Variants in KCNN2 observed in about 807,000 individuals in gnomAD.
The protein encoded by KCNN2 is small conductance calcium-activated potassium channel protein 2.
Under a neutral mutation model 55.5 loss-of-function variants are expected in KCNN2, and 24 were observed. That is an observed-to-expected ratio of 0.43 (90% CI 0.31 to 0.61). KCNN2 has a LOEUF of 0.61. Among genes scored for constraint, KCNN2 ranks in the 20% least tolerant of loss-of-function variants. The pLI, the probability that KCNN2 is intolerant of heterozygous loss-of-function variation, is 0.08. For missense variants in KCNN2, 754 were observed against 853.6 expected, an observed-to-expected ratio of 0.88 and a Z score of 1.45; for synonymous variants, 431 against 336.1, an observed-to-expected ratio of 1.28 and a Z score of -3.09.
At chr5:114,474,507 G>A (rs1761884842) in intron 5 of KCNN2, among the ~76,000 whole-genome samples, 1 of 152,168 alleles carries the variant, frequency 6.6e-6, no homozygotes, top group African/African-American at 2.4e-5. Context: ...ATCCCTGTAT[G>A]AGAGTGTGCA....
chr5:114,451,632 C>G (rs1333371024), intron 3 of KCNN2, among the ~76,000 whole-genome samples: 1 of 152,102 alleles, frequency 6.6e-6, no homozygotes, highest in Non-Finnish European at 1.5e-5. Flanking sequence ...GGCGGTGGCT[C>G]AAGCCTGTAA....
chr5:114,151,033 A>T (rs988917978), intron 1 of KCNN2, among the ~76,000 whole-genome samples: 2 of 152,062 alleles, frequency 1.3e-5, no homozygotes, highest in Non-Finnish European at 2.9e-5. Context: ...AAACAAACAA[A>T]CAAACAACAA....
chr5:114,062,630 G>T (rs1750356630), intron 1 of KCNN2, among the ~76,000 whole-genome samples: 2 of 152,104 alleles, frequency 1.3e-5, no homozygotes, highest in Admixed American at 6.6e-5. Context: ...CTATATGCAG[G>T]GAGAACAGTC....
intron 2 of KCNN2, among the ~76,000 whole-genome samples, chr5:114,400,393 C>T (rs1407605811): frequency 2.0e-5 from 3 of 152,190 alleles, no homozygotes; most frequent in Non-Finnish European, 4.4e-5. Flanking sequence ...AACAACCAAT[C>T]AAATGCAGTA....
Position 114,325,580 on chromosome 5 carries a change from T to A in KCNN2, c.-184-35365T>A, listed in dbSNP as rs573924055. On this transcript the variant is annotated intron_variant, in intron 2 of 10. Coordinates refer to the KCNN2 transcript ENST00000512097. Reference sequence around the variant, plus strand: ...GGAGTGTTTAGGAAACTTAAAAGCCTTAATCGTCAGCCATCTCAGCAAAAG... The same window carrying A: ...GGAGTGTTTAGGAAACTTAAAAGCCATAATCGTCAGCCATCTCAGCAAAAG... Among the ~76,000 whole-genome samples, 43 of 152,316 alleles carry A rather than the reference T, an allele frequency of 2.8e-4. 1 individual carries two copies. In the South Asian group the frequency reaches 8.5e-3, roughly 30 times the overall value.
At chr5:114,062,273 C>G (rs1750348372) in intron 1 of KCNN2, among the ~76,000 whole-genome samples, 2 of 152,150 alleles carry the variant, frequency 1.3e-5, no homozygotes, top group South Asian at 4.1e-4. Flanking sequence ...CTGCTGCCCA[C>G]AGAATATCTG....
chr5:114,292,662 C>T (rs973712737), intron 2 of KCNN2, among the ~76,000 whole-genome samples: 7 of 152,146 alleles, frequency 4.6e-5, no homozygotes, highest in African/African-American at 1.7e-4. Context: ...TTAGGATTGA[C>T]TTGGTGACGC....
At chr5:114,306,687 A>C (rs1437122201) in intron 2 of KCNN2, among the ~76,000 whole-genome samples, 2 of 7,286 alleles carry the variant, frequency 2.7e-4, no homozygotes, top group Middle Eastern at 0.062. Flanking sequence ...TCACACTTAA[A>C]TTTTTTTTTT....
chr5:114,381,008 A>G (rs1171697524), intron 2 of KCNN2, among the ~76,000 whole-genome samples: 4 of 152,180 alleles, frequency 2.6e-5, no homozygotes, highest in Non-Finnish European at 5.9e-5. Flanking sequence ...CCATTTAAAT[A>G]GTCACTGTGT....
chr5:114,078,042 C>T (rs540759224), intron 1 of KCNN2, among the ~76,000 whole-genome samples: 3 of 152,214 alleles, frequency 2.0e-5, no homozygotes, highest in South Asian at 2.1e-4. Context: ...TTGAGGAAAA[C>T]GATCAGTACA....
intron 2 of KCNN2, among the ~76,000 whole-genome samples, chr5:114,295,872 A>C (rs999455533): frequency 6.9e-6 from 1 of 145,376 alleles, no homozygotes; most frequent in African/African-American, 2.7e-5. Context: ...CATTTAAATT[A>C]AAATTTGAAA....
intron 3 of KCNN2, among the ~76,000 whole-genome samples, chr5:114,442,574 C>T (rs1249865684): frequency 6.6e-6 from 1 of 152,124 alleles, no homozygotes; most frequent in African/African-American, 2.4e-5. Context: ...TTCCTGCCCT[C>T]ATGCAATACA....
chr5:114,340,852 C>G (rs373199904), intron 2 of KCNN2, among the ~76,000 whole-genome samples: 1 of 152,164 alleles, frequency 6.6e-6, no homozygotes, highest in Non-Finnish European at 1.5e-5. Flanking sequence ...TTTCCCTTGC[C>G]TCAGCCCCTG....
intron 1 of KCNN2, among the ~76,000 whole-genome samples, chr5:114,219,524 C>G (rs1013560866): frequency 6.6e-6 from 1 of 152,236 alleles, no homozygotes; most frequent in East Asian, 1.9e-4. Context: ...TGAAGTTAAA[C>G]TGTCAAGGTG....
chr5:114,395,776 A>T (rs532130880), intron 2 of KCNN2, among the ~76,000 whole-genome samples: 2 of 152,200 alleles, frequency 1.3e-5, no homozygotes, highest in Non-Finnish European at 2.9e-5. Context: ...GTCTCCTAGG[A>T]CAGTTCTTTC....
chr5:114,236,187 G>A (rs776013896), intron 2 of KCNN2, among the ~76,000 whole-genome samples: 1 of 152,154 alleles, frequency 6.6e-6, no homozygotes, highest in Non-Finnish European at 1.5e-5. Flanking sequence ...TGCAGTCTTA[G>A]TTCTCCTAGA....
intron 7 of KCNN2, among the ~76,000 whole-genome samples, chr5:114,494,475 CAT>C (rs1275018408): frequency 2.0e-5 from 3 of 150,922 alleles, no homozygotes; most frequent in Non-Finnish European, 4.4e-5. Context: ...GGACAGCACA[CAT>C]ATAAAAAGTA....
At chr5:114,060,240 C>T (rs1337308536) in intron 1 of KCNN2, among the ~76,000 whole-genome samples, 1 of 152,248 alleles carries the variant, frequency 6.6e-6, no homozygotes, top group African/African-American at 2.4e-5. Context: ...TGCCCTGCTA[C>T]ATTTGGGCTT....
chr5:114,434,695 A>G lies in KCNN2; in HGVS notation c.1638-28354A>G, dbSNP rs561187227. Among the ~76,000 whole-genome samples the G allele has an allele frequency of 5.9e-5, 9 of 152,312 alleles. No individual in the cohort carries two copies. The East Asian group carries it at 1.7e-3, about 29-fold the overall frequency. ...GTGATTAGTTCTCAGTCGTTTAATA[A>G]GTACAGGTCCCTGGGCTGTGACTTT... On this transcript the variant is annotated intron_variant, in intron 3 of 7. Transcript: ENST00000673685.
Sources: gnomAD v4.1 joint callset for allele counts (sites outside exome capture counted in the v4.1 genomes callset) on GRCh38, gnomAD v4.1.1 for gene constraint, MANE v1.5 for transcripts, NCBI Gene and HGNC (gene_info 2026-07-23, HGNC 2026-07-21) for gene names.